Variants in CUZD1 observed in about 807,000 individuals in gnomAD.
CUZD1 encodes the protein CUB and zona pellucida-like domain-containing protein 1.
A neutral mutation model predicts 53.1 loss-of-function variants in CUZD1; 42 were observed. The ratio of observed to expected loss-of-function variants is 0.79; its 90% CI spans 0.62 to 1.02. The LOEUF is 1.02. Among genes scored for constraint, CUZD1 ranks in the 50% least tolerant of loss-of-function variants. The pLI is 0.00. For missense variants in CUZD1, 670 were observed against 715.7 expected (o/e 0.94, Z 0.73); for synonymous variants, 238 against 257.2 (o/e 0.93, Z 0.71).
Position 122,834,986 on chromosome 10 carries a change from C to G in CUZD1, c.1102G>C (p.Gly368Arg). The G allele has an allele frequency of 1.2e-6, 2 of 1,613,650 alleles. No homozygotes were observed. Among genetic ancestry groups the G allele is most frequent in the Non-Finnish European group, 1.7e-6 (2 of 1,179,742 alleles). Residue 368 changes from glycine (G) to arginine (R), a missense_variant, in exon 7 of 9, where the codon GGA (glycine) becomes CGA (arginine). By Grantham distance (125) the Gly-to-Arg change is moderately radical. Coordinates refer to ENST00000392790, the MANE Select transcript of CUZD1 (RefSeq NM_022034.6). ...QLQIIVKCEMGHNSTVEIIYI... is the reference protein window; with the variant it reads ...QLQIIVKCEMRHNSTVEIIYI... ...ATTATCTCCACTGTAGAATTATGTC[C>G]CATTTCACACTTCACAATAATCTGG...
At chr10:122,837,829 A>C in intron 3 of CUZD1, 2 of 295,138 alleles carry the variant, frequency 6.8e-6, no homozygotes, top group South Asian at 1.1e-4. Flanking sequence ...CCATTACCTG[A>C]ATTGCGCCAT....
chr10:122,835,578 C>CT, intron 6 of CUZD1, among the ~76,000 whole-genome samples: 1 of 152,264 alleles, frequency 6.6e-6, no homozygotes, highest in East Asian at 1.9e-4. Context: ...TTACTTCTGT[C>CT]TTTATCAATT....
chr10:122,840,659 A>G (rs922636473), intron 2 of CUZD1, among the ~76,000 whole-genome samples: 1 of 152,246 alleles, frequency 6.6e-6, no homozygotes, highest in East Asian at 1.9e-4. Flanking sequence ...GGGCACTTAT[A>G]AAAAGCACTT....
In CUZD1 at chr10:122,835,072, G is replaced by C; in HGVS notation, c.1016C>G (p.Thr339Ser). 1 of 1,588,148 alleles carries C rather than the reference G, an allele frequency of 6.3e-7. No individual in the cohort carries two copies. The highest frequency in any genetic ancestry group is 8.6e-7 in the Non-Finnish European group (1 of 1,167,058). ...RKVEDQSITY[T>S]NIITFSASST... is the part of the protein sequence containing the mutation. Reference sequence around the variant, plus strand: ...GGATGCAGAAAAGGTGATTATATTGGTGTAAGTAATTGACTGATCTTCTAC... The same window carrying C: ...GGATGCAGAAAAGGTGATTATATTGCTGTAAGTAATTGACTGATCTTCTAC... Residue 339 changes from threonine (T) to serine (S), a missense_variant, in exon 7 of 9, where the codon ACC (threonine) becomes AGC (serine). Transcript: ENST00000392790.
At chr10:122,843,241 G>T (rs1847372007) in intron 1 of CUZD1, among the ~76,000 whole-genome samples, 1 of 152,100 alleles carries the variant, frequency 6.6e-6, no homozygotes, top group South Asian at 2.1e-4. Flanking sequence ...CCATACATTG[G>T]AATATTATTC....
intron 1 of CUZD1, among the ~76,000 whole-genome samples, chr10:122,845,166 T>C (rs1443649441): frequency 6.7e-6 from 1 of 149,556 alleles, no homozygotes; most frequent in Non-Finnish European, 1.5e-5. Flanking sequence ...AACCTCCACC[T>C]CTCGGGTTCA....
intron 7 of CUZD1, 103 bp from the exon 8 acceptor site, chr10:122,834,043 CT>C (rs937532242): frequency 1.0e-5 from 10 of 969,670 alleles, no homozygotes; most frequent in Non-Finnish European, 1.5e-5. Context: ...AAAAATCTCT[CT>C]CAAAAGACTG....
At chr10:122,839,308 A>G (rs1847300337) in intron 2 of CUZD1, 77 bp from the exon 3 acceptor site, 4 of 1,270,132 alleles carry the variant, frequency 3.1e-6, no homozygotes, top group Middle Eastern at 3.9e-4. Context: ...TTGCTCACCT[A>G]GGCATGTAAA....
At chr10:122,845,258 G>T (rs1847418237) in intron 1 of CUZD1, among the ~76,000 whole-genome samples, 1 of 152,052 alleles carries the variant, frequency 6.6e-6, no homozygotes, top group Admixed American at 6.6e-5. Flanking sequence ...TGTATTTTTA[G>T]TAGAGATGGG....
intron 1 of CUZD1, among the ~76,000 whole-genome samples, chr10:122,841,665 T>C (rs1459835852): frequency 1.3e-5 from 2 of 152,240 alleles, no homozygotes; most frequent in African/African-American, 4.8e-5. Flanking sequence ...TAAGTGTATA[T>C]TTAACTGCAT....
At chr10:122,834,654 A>T in intron 7 of CUZD1, 52 bp downstream of exon 7, 2 of 1,405,104 alleles carry the variant, frequency 1.4e-6, no homozygotes, top group Non-Finnish European at 1.9e-6. Flanking sequence ...TATTGAAATT[A>T]TTATTCCACA....
chr10:122,833,311 G>T (rs1847187991), intron 8 of CUZD1, among the ~76,000 whole-genome samples: 1 of 151,330 alleles, frequency 6.6e-6, no homozygotes, highest in Non-Finnish European at 1.5e-5. Context: ...GGTTCATTTT[G>T]TTTTACTCAT....
At chr10:122,843,305 T>C (rs1847373141) in intron 1 of CUZD1, among the ~76,000 whole-genome samples, 1 of 152,204 alleles carries the variant, frequency 6.6e-6, no homozygotes, top group African/African-American at 2.4e-5. Flanking sequence ...GAATGATTGG[T>C]TCCAGGACCC....
Position 122,836,998 on chromosome 10 carries a change from C to G in CUZD1, c.650G>C (p.Gly217Ala), listed in dbSNP as rs1191115936. 6.2e-7 allele frequency: 1 copy of G among 1,613,746 alleles called. No individual in the cohort carries two copies. The highest frequency in any genetic ancestry group is 1.1e-5 in the South Asian group (1 of 91,076). Residue 217 changes from glycine (G) to alanine (A), a missense_variant, in exon 5 of 9, where the codon GGC (glycine) becomes GCC (alanine). Coordinates refer to ENST00000392790, the MANE Select transcript of CUZD1 (RefSeq NM_022034.6). Reference sequence around the variant, plus strand: ...AATCAGGCCAGAGTTGGTGGAGGGGCCATCATAGATGGCAAGAAAATCAAA... The same window carrying G: ...AATCAGGCCAGAGTTGGTGGAGGGGGCATCATAGATGGCAAGAAAATCAAA... ...CKFDFLAIYD[G>A]PSTNSGLIGQ...
intron 6 of CUZD1, 39 bp downstream of exon 6, chr10:122,836,139 A>T (rs1480620399): frequency 6.4e-7 from 1 of 1,557,178 alleles, no homozygotes; most frequent in Non-Finnish European, 8.7e-7. Context: ...ACATGCACTC[A>T]GCATTTGACA....
At chr10:122,838,385 G>A (rs1215469038) in intron 3 of CUZD1, among the ~76,000 whole-genome samples, 2 of 152,188 alleles carry the variant, frequency 1.3e-5, no homozygotes, top group African/African-American at 2.4e-5. Context: ...GAACCCACTC[G>A]CAGATGTTCT....
In CUZD1 at chr10:122,837,507, T is replaced by C; in HGVS notation, c.496A>G (p.Thr166Ala). Residue 166 changes from threonine (T) to alanine (A), a missense_variant, in exon 4 of 9, where the codon ACC (threonine) becomes GCC (alanine). Transcript: ENST00000392790. Reference sequence around the variant, plus strand: ...TGCGGCTTTGGGTAATTGGGGCTGGTGAAGGATCCTTCCAAGGTATCCAGG... The same window carrying C: ...TGCGGCTTTGGGTAATTGGGGCTGGCGAAGGATCCTTCCAAGGTATCCAGG... ...GYLDTLEGSF[T>A]SPNYPKPHPE... 6.2e-7 allele frequency: 1 copy of C among 1,608,318 alleles called. No homozygotes were observed. Among genetic ancestry groups the C allele is most frequent in the Non-Finnish European group, 8.5e-7 (1 of 1,177,370 alleles).
chr10:122,835,687 G>A (rs1266168848), intron 6 of CUZD1, among the ~76,000 whole-genome samples: 2 of 152,178 alleles, frequency 1.3e-5, no homozygotes, highest in African/African-American at 2.4e-5. Context: ...GGTTGAAAAT[G>A]TTTGAAATCT....
intron 4 of CUZD1, 167 bp from the exon 5 acceptor site, chr10:122,837,215 C>A (rs1353590675): frequency 2.4e-6 from 2 of 835,488 alleles, no homozygotes; most frequent in African/African-American, 1.7e-5. Context: ...CTGACAAGGA[C>A]CTCAGAATCT....
Sources: gnomAD v4.1 joint callset for allele counts (sites outside exome capture counted in the v4.1 genomes callset) on GRCh38, gnomAD v4.1.1 for gene constraint, MANE v1.5 for transcripts, NCBI Gene and HGNC (gene_info 2026-07-23, HGNC 2026-07-21) for gene names.